ADCY8: variants seen among roughly 807,000 people sequenced by gnomAD.
ADCY8 encodes adenylate cyclase 8, also known as adenylate cyclase type 8.
Under a neutral mutation model 119.7 loss-of-function variants are expected in ADCY8, and 51 were observed. The observed-to-expected ratio is 0.43, with a 90% CI of 0.34 to 0.54. The LOEUF (loss-of-function observed/expected upper bound fraction) is 0.54. Among genes scored for constraint, ADCY8 ranks in the 20% least tolerant of loss-of-function variants. ADCY8 has a pLI of 0.03. For missense variants in ADCY8, 1,383 were observed against 1,598.8 expected (o/e 0.87, Z 2.30); for synonymous variants, 665 against 651.0 (o/e 1.02, Z -0.33).
chr8:130,866,452 T>A (rs1818127096), intron 9 of ADCY8, among the ~76,000 whole-genome samples: 1 of 152,142 alleles, frequency 6.6e-6, no homozygotes, highest in Admixed American at 6.6e-5. Flanking sequence ...TTCTGCTGGT[T>A]CTCTTCTTTT....
chr8:130,786,800 A>G (rs1473489143), intron 15 of ADCY8, among the ~76,000 whole-genome samples: 2 of 152,156 alleles, frequency 1.3e-5, no homozygotes, highest in Non-Finnish European at 2.9e-5. Flanking sequence ...GGCCATTTTG[A>G]TCTAATCTGA....
chr8:130,858,433 A>G (rs1817818464), intron 9 of ADCY8, among the ~76,000 whole-genome samples: 2 of 151,900 alleles, frequency 1.3e-5, no homozygotes. Flanking sequence ...CTCAATTGAG[A>G]TTTGTCTGAA....
At chr8:130,899,374 G>A (rs1267510261) in intron 7 of ADCY8, among the ~76,000 whole-genome samples, 1 of 152,166 alleles carries the variant, frequency 6.6e-6, no homozygotes, top group Non-Finnish European at 1.5e-5. Context: ...GGGAGTCTGA[G>A]GCGAGTGCAT....
In ADCY8 at chr8:130,904,082, T is replaced by C. The variant is rs377242138; in HGVS notation, c.1641-40A>G. 8.4e-5 allele frequency: 132 copies of C among 1,566,894 alleles called. No homozygotes were observed. The African/African-American group carries it at 1.7e-3, about 21-fold the overall frequency. On this transcript the variant is annotated intron_variant, in intron 6 of 17. Transcript: ENST00000286355. ...CATAGGTCATTACACACTCCTGATGTTGCCTGCAAAGGCTATATTTTTTTG... is the reference window on the plus strand; with the variant it reads ...CATAGGTCATTACACACTCCTGATGCTGCCTGCAAAGGCTATATTTTTTTG...
intron 2 of ADCY8, among the ~76,000 whole-genome samples, chr8:130,978,460 A>G (rs1025292419): frequency 6.6e-6 from 1 of 152,228 alleles, no homozygotes; most frequent in East Asian, 1.9e-4. Context: ...ATCTGTTGAT[A>G]ATAATCACAT....
At chr8:130,911,496 AT>A (rs1819977902) in intron 5 of ADCY8, among the ~76,000 whole-genome samples, 1 of 146,394 alleles carries the variant, frequency 6.8e-6, no homozygotes, top group Admixed American at 7.1e-5. Context: ...ACATTACTAT[AT>A]CACAAACTAT....
intron 8 of ADCY8, among the ~76,000 whole-genome samples, chr8:130,884,264 C>T (rs1012883364): frequency 6.6e-6 from 1 of 152,170 alleles, no homozygotes; most frequent in Non-Finnish European, 1.5e-5. Context: ...TGCCACTTGG[C>T]TTAATAATCT....
intron 5 of ADCY8, among the ~76,000 whole-genome samples, chr8:130,924,674 G>A (rs1177968782): frequency 1.3e-5 from 2 of 152,130 alleles, no homozygotes; most frequent in Non-Finnish European, 2.9e-5. Context: ...CATTGGTAAA[G>A]TAGGAGCCCA....
chr8:131,016,440 T>C (rs1416094436), intron 1 of ADCY8, among the ~76,000 whole-genome samples: 1 of 151,928 alleles, frequency 6.6e-6, no homozygotes, highest in Non-Finnish European at 1.5e-5. Flanking sequence ...GGAGATTGAG[T>C]CCTCAGTGAG....
chr8:131,037,890 T>A (rs35361060), intron 1 of ADCY8, among the ~76,000 whole-genome samples: 1 of 152,122 alleles, frequency 6.6e-6, no homozygotes, highest in African/African-American at 2.4e-5. Context: ...AGGTTCATGG[T>A]GACTGTGATA....
intron 3 of ADCY8, among the ~76,000 whole-genome samples, chr8:130,950,060 G>A (rs1821224632): frequency 6.6e-6 from 1 of 152,232 alleles, no homozygotes; most frequent in Non-Finnish European, 1.5e-5. Context: ...CATGCCAGGA[G>A]TAGAACACCT....
Position 130,862,363 on chromosome 8 carries a change from A to G in ADCY8, c.2210+5483T>C, listed in dbSNP as rs1032097555. ...TTCTTCTAAGCACTGCTTTCATGGC[A>G]TCCCACAAATTTGGTAAGTTGTGTT... On this transcript the variant is annotated intron_variant, in intron 9 of 17. Transcript: ENST00000286355. Among the ~76,000 whole-genome samples the G allele has an allele frequency of 2.0e-5, 3 of 152,136 alleles. No homozygotes were observed. In the East Asian group the frequency reaches 5.8e-4, roughly 29 times the overall value.
chr8:130,829,489 A>C (rs1467175327), intron 12 of ADCY8, among the ~76,000 whole-genome samples: 1 of 135,772 alleles, frequency 7.4e-6, no homozygotes, highest in Non-Finnish European at 1.7e-5. Flanking sequence ...TTATGTAAGA[A>C]AGGATCTTGT....
intron 1 of ADCY8, among the ~76,000 whole-genome samples, chr8:131,036,267 T>G (rs766109041): frequency 7.2e-5 from 11 of 152,224 alleles, no homozygotes; most frequent in Non-Finnish European, 1.5e-4. Context: ...ATAAGGGTGC[T>G]TAGTTACATG....
intron 7 of ADCY8, among the ~76,000 whole-genome samples, chr8:130,901,601 G>A (rs991075865): frequency 4.6e-5 from 7 of 152,176 alleles, no homozygotes; most frequent in Admixed American, 2.6e-4. Context: ...GACAAATTAT[G>A]TCTCTGAATT....
intron 5 of ADCY8, among the ~76,000 whole-genome samples, chr8:130,925,458 C>T (rs146034841): frequency 5.3e-5 from 8 of 152,170 alleles, no homozygotes; most frequent in East Asian, 1.9e-4. Flanking sequence ...ATTTTGCAGA[C>T]GAGGCCATGG....
At chr8:130,992,488 C>G (rs1822627605) in intron 1 of ADCY8, among the ~76,000 whole-genome samples, 1 of 140,508 alleles carries the variant, frequency 7.1e-6, no homozygotes. Flanking sequence ...AATCTTGGCT[C>G]ACTGCAACCT....
Position 130,836,278 on chromosome 8 carries a change from C to T in ADCY8, c.2674G>A (p.Glu892Lys). ...LRYDNLNHSGEDFLGTKEVSL... is the reference protein window; with the variant it reads ...LRYDNLNHSGKDFLGTKEVSL... ...GGACTCACGGTGGTGGGCACTTACT[C>T]TCCACTGTGGTTGAGGTTGTCATAA... The change falls in exon 12 of 18, where the codon GAA (glutamate) becomes AAA (lysine). Residue 892 changes from glutamate to lysine, a missense_variant and splice_region_variant. Physicochemically the swap from Glu to Lys is moderately conservative, Grantham distance 56. Around this residue, in one of 2 missense-constraint regions of ADCY8, gnomAD observed 928 missense variants for 1,163.5 expected, o/e 0.80. Coordinates refer to ENST00000286355, the MANE Select transcript of ADCY8 (RefSeq NM_001115.3). The T allele has an allele frequency of 6.2e-7, 1 of 1,610,760 alleles. No individual in the cohort carries two copies.
chr8:130,860,723 A>G (rs1252519209), intron 9 of ADCY8, among the ~76,000 whole-genome samples: 3 of 152,160 alleles, frequency 2.0e-5, no homozygotes, highest in Admixed American at 2.0e-4. Flanking sequence ...TGGAGCACCT[A>G]TCAATCCATC....
Sources: gnomAD v4.1 joint callset for allele counts (sites outside exome capture counted in the v4.1 genomes callset) on GRCh38, gnomAD v4.1.1 for gene constraint, gnomAD v4.1.1 regional missense constraint, MANE v1.5 for transcripts, NCBI Gene and HGNC (gene_info 2026-07-23, HGNC 2026-07-21) for gene names.